Variants in XKR6 observed in about 807,000 individuals in gnomAD.
XKR6 encodes XK-related protein 6.
In XKR6, 22 loss-of-function variants were observed where a neutral mutation model predicts 56.7. The observed-to-expected ratio is 0.39, with a 90% CI of 0.28 to 0.55. The LOEUF (loss-of-function observed/expected upper bound fraction) is 0.55. Among genes scored for constraint, XKR6 ranks in the 20% least tolerant of loss-of-function variants. The pLI, the probability that XKR6 is intolerant of heterozygous loss-of-function variation, is 0.66. For missense variants in XKR6, 852 were observed against 889.0 expected (o/e 0.96, Z 0.53); for synonymous variants, 524 against 387.8 (o/e 1.35, Z -4.13).
At chr8:11,123,346 G>A (rs1329774609) in intron 1 of XKR6, 1 of 153,526 alleles carries the variant, frequency 6.5e-6, no homozygotes, top group African/African-American at 2.4e-5. Flanking sequence ...TATGGACCTT[G>A]TCATTATAAA....
At chr8:10,983,902 G>C (rs544180736) in intron 1 of XKR6, among the ~76,000 whole-genome samples, 1 of 152,236 alleles carries the variant, frequency 6.6e-6, no homozygotes, top group African/African-American at 2.4e-5. Context: ...TGATTCGCCT[G>C]CCTTGGCCTC....
At chr8:11,192,218 G>C (rs1013295729) in intron 1 of XKR6, among the ~76,000 whole-genome samples, 7 of 151,952 alleles carry the variant, frequency 4.6e-5, no homozygotes, top group Admixed American at 2.0e-4. Flanking sequence ...CAGTGCAGTG[G>C]CACGATCTGG....
intron 1 of XKR6, among the ~76,000 whole-genome samples, chr8:11,093,841 T>G (rs1798168123): frequency 6.6e-6 from 1 of 152,142 alleles, no homozygotes; most frequent in Non-Finnish European, 1.5e-5. Context: ...TGGAGTGCAG[T>G]GGCGTGATCT....
chr8:11,068,316 C>A (rs1221838816), intron 1 of XKR6, among the ~76,000 whole-genome samples: 1 of 152,018 alleles, frequency 6.6e-6, no homozygotes, highest in Admixed American at 6.5e-5. Context: ...GTAAGGGCAT[C>A]CCTGGGATAC....
intron 1 of XKR6, among the ~76,000 whole-genome samples, chr8:11,132,803 G>C (rs1387356038): frequency 8.0e-6 from 1 of 124,766 alleles, no homozygotes; most frequent in African/African-American, 2.9e-5. Flanking sequence ...TTTTTTTCTT[G>C]GAAGACTTTT....
In XKR6 at chr8:11,184,386, CA is replaced by C. The variant is rs1485233242; in HGVS notation, c.764+16189del. Among the ~76,000 whole-genome samples the C allele has an allele frequency of 7.2e-5, 8 of 110,602 alleles. No individual in the cohort carries two copies. The East Asian group carries it at 1.0e-3, about 14-fold the overall frequency. The allele number at this position is 110,602 out of a possible 152,430, so 72.6% of individuals were successfully genotyped here. On this transcript the variant is annotated intron_variant, in intron 1 of 2. Transcript: ENST00000416569. The stretch of plus-strand genomic sequence containing the variant: ...CATATTTTATATATATATATACACA[CA>C]TACACACACACACACACACACACAC...
At chr8:11,168,310 G>A (rs1456613156) in intron 1 of XKR6, among the ~76,000 whole-genome samples, 2 of 152,064 alleles carry the variant, frequency 1.3e-5, no homozygotes, top group African/African-American at 4.8e-5. Flanking sequence ...AAGTTGAGAA[G>A]GATACTATAT....
At chr8:11,133,014 G>A (rs1800189812) in intron 1 of XKR6, among the ~76,000 whole-genome samples, 1 of 152,020 alleles carries the variant, frequency 6.6e-6, no homozygotes, top group Non-Finnish European at 1.5e-5. Flanking sequence ...TAAGAAAAAT[G>A]GCAAAAAGTA....
chr8:11,139,586 G>GCTCCCGCTCCAAGCCAAGGC, intron 1 of XKR6, among the ~76,000 whole-genome samples: 1 of 152,220 alleles, frequency 6.6e-6, no homozygotes, highest in Non-Finnish European at 1.5e-5. Context: ...ATGCTCCAGG[G>GCTCCCGCTCCAAGCCAAGGC]CTCCCGCTCC....
chr8:11,057,690 G>T (rs923039336), intron 1 of XKR6, among the ~76,000 whole-genome samples: 1 of 152,230 alleles, frequency 6.6e-6, no homozygotes, highest in African/African-American at 2.4e-5. Context: ...AGCTTGGTCT[G>T]ACGTCACCAT....
At chr8:11,059,683 G>T (rs1449376032) in intron 1 of XKR6, among the ~76,000 whole-genome samples, 1 of 134,174 alleles carries the variant, frequency 7.5e-6, no homozygotes, top group African/African-American at 3.6e-5. Flanking sequence ...GGTGCGGCGG[G>T]CGCGGGGCGG....
chr8:11,076,211 G>A (rs1032354940), intron 1 of XKR6, among the ~76,000 whole-genome samples: 2 of 152,198 alleles, frequency 1.3e-5, no homozygotes, highest in African/African-American at 2.4e-5. Context: ...GTTGCCAGGG[G>A]CTGAGGGAAA....
chr8:10,997,475 T>G (rs900891043), intron 1 of XKR6, among the ~76,000 whole-genome samples: 9 of 152,120 alleles, frequency 5.9e-5, no homozygotes, highest in African/African-American at 2.2e-4. Flanking sequence ...CTCAGAGCAT[T>G]CCACAGACCC....
At chr8:11,181,156 C>T (rs1428600585) in intron 1 of XKR6, among the ~76,000 whole-genome samples, 1 of 152,048 alleles carries the variant, frequency 6.6e-6, no homozygotes. Flanking sequence ...TGGTTAATGT[C>T]CATCTTTGGT....
intron 1 of XKR6, among the ~76,000 whole-genome samples, chr8:11,015,341 AT>A (rs896843396): frequency 1.1e-3 from 170 of 150,038 alleles, no homozygotes; most frequent in African/African-American, 3.6e-3. Context: ...AGAGGGATTA[AT>A]TTTTTTTTTC....
At chr8:11,159,550 C>T (rs1801691925) in intron 1 of XKR6, among the ~76,000 whole-genome samples, 1 of 152,242 alleles carries the variant, frequency 6.6e-6, no homozygotes, top group African/African-American at 2.4e-5. Flanking sequence ...CCATTCCCTA[C>T]ATCAGCAGCA....
At chr8:11,063,624 A>T (rs1031476415) in intron 1 of XKR6, among the ~76,000 whole-genome samples, 1 of 152,202 alleles carries the variant, frequency 6.6e-6, no homozygotes, top group Non-Finnish European at 1.5e-5. Context: ...TATGCAAAAC[A>T]TGGCTGGCAA....
intron 1 of XKR6, among the ~76,000 whole-genome samples, chr8:11,007,813 C>T (rs1227440098): frequency 6.6e-6 from 1 of 152,180 alleles, no homozygotes; most frequent in East Asian, 1.9e-4. Flanking sequence ...TGCAGCTCCC[C>T]TTCTCCTCTC....
chr8:11,048,510 G>A (rs751220605), intron 1 of XKR6, among the ~76,000 whole-genome samples: 12 of 152,312 alleles, frequency 7.9e-5, no homozygotes, highest in South Asian at 4.1e-4. Flanking sequence ...ACACCTGAGC[G>A]TGTGTTAAAA....
Sources: allele counts gnomAD v4.1 joint callset (sites outside exome capture counted in the v4.1 genomes callset), GRCh38; gene constraint gnomAD v4.1.1; transcripts MANE v1.5; gene names NCBI Gene and HGNC (gene_info 2026-07-23, HGNC 2026-07-21).